UBE2U: variants seen among roughly 807,000 people sequenced by gnomAD.
UBE2U encodes the protein ubiquitin-conjugating enzyme E2 U.
UBE2U carries 39 observed loss-of-function variants against 41.2 expected under a neutral mutation model. The observed-to-expected ratio is 0.95, with a 90% CI of 0.73 to 1.24. The LOEUF (loss-of-function observed/expected upper bound fraction) is 1.24, where lower values mean the gene tolerates loss of function less well. Among genes scored for constraint, UBE2U ranks in the 50% most tolerant of loss-of-function variants. UBE2U has a pLI of 0.00. For missense variants in UBE2U, 336 were observed against 363.1 expected, an observed-to-expected ratio of 0.93 and a Z score of 0.61; for synonymous variants, 107 against 117.8, an observed-to-expected ratio of 0.91 and a Z score of 0.60.
rs1491212101 is a variant in UBE2U at position 64,239,091 on chromosome 1, AGG to A, written c.596-2560_596-2559del. 3.6e-4 allele frequency among the ~76,000 whole-genome samples: 16 copies of A among 43,996 alleles called. 1 individual carries two copies. Among genetic ancestry groups the A allele is most frequent in the African/African-American group, 1.5e-3 (16 of 10,386 alleles). The allele number at this position is 43,996 out of a possible 152,430, so 28.9% of individuals were successfully genotyped here. On this transcript the variant is annotated intron_variant, in intron 7 of 9. Coordinates refer to ENST00000371077, the MANE Select transcript of UBE2U (RefSeq NM_001366232.2). ...GAGGAAGAGGAAGAGGAAGAGGAAG[AGG>A]AAGAAGAAGAAGAAGAAGAAGAAGA... is the stretch of plus-strand genomic sequence containing the variant.
intron 8 of UBE2U, among the ~76,000 whole-genome samples, chr1:64,249,183 C>G (rs1475544710): frequency 2.6e-5 from 4 of 151,780 alleles, no homozygotes; most frequent in Non-Finnish European, 4.4e-5. Flanking sequence ...TTGAAACCAG[C>G]CTGGCCAACA....
intron 8 of UBE2U, chr1:64,244,230 A>T: frequency 6.4e-7 from 1 of 1,550,834 alleles, no homozygotes; most frequent in Non-Finnish European, 8.7e-7. Flanking sequence ...TTGTTTTTTT[A>T]TCTGTTAAAT....
intron 8 of UBE2U, 75 bp from the exon 9 acceptor site, chr1:64,260,528 A>C (rs1645164448): frequency 9.2e-7 from 1 of 1,092,584 alleles, no homozygotes; most frequent in Admixed American, 2.4e-5. Context: ...CATTTGTTTC[A>C]CTTATTTTTC....
At chr1:64,218,662 G>T (rs1277096827) in intron 5 of UBE2U, among the ~76,000 whole-genome samples, 5 of 152,158 alleles carry the variant, frequency 3.3e-5, no homozygotes, top group Middle Eastern at 3.4e-3. Flanking sequence ...AAAATACAAA[G>T]ATTTTGCTTT....
intron 7 of UBE2U, among the ~76,000 whole-genome samples, chr1:64,239,525 C>A (rs1366641295): frequency 8.4e-6 from 1 of 118,598 alleles, no homozygotes; most frequent in Non-Finnish European, 1.7e-5. Flanking sequence ...CCCCTCCCCC[C>A]ACCCCACGAC....
chr1:64,249,790 A>G (rs909797537), intron 8 of UBE2U, among the ~76,000 whole-genome samples: 3 of 152,100 alleles, frequency 2.0e-5, no homozygotes. Context: ...GACAATATCA[A>G]GTGGTAGAAG....
At chr1:64,248,073 A>T (rs2100492636) in intron 8 of UBE2U, among the ~76,000 whole-genome samples, 1 of 152,264 alleles carries the variant, frequency 6.6e-6, no homozygotes, top group South Asian at 2.1e-4. Context: ...TATTTGTAGC[A>T]ACACTAAACG....
chr1:64,257,915 G>GA (rs1057191466), intron 8 of UBE2U, among the ~76,000 whole-genome samples: 191 of 147,184 alleles, frequency 1.3e-3, no homozygotes, highest in Middle Eastern at 3.5e-3. Context: ...TTCACACATT[G>GA]AAAAAAAAAA....
intron 2 of UBE2U, among the ~76,000 whole-genome samples, chr1:64,206,047 A>G (rs768982886): frequency 1.3e-5 from 2 of 152,168 alleles, no homozygotes; most frequent in Non-Finnish European, 2.9e-5. Flanking sequence ...GAGATCAGGG[A>G]ATAACTATCA....
At chr1:64,254,245 C>T (rs749134213) in intron 8 of UBE2U, among the ~76,000 whole-genome samples, 1 of 152,118 alleles carries the variant, frequency 6.6e-6, no homozygotes, top group Non-Finnish European at 1.5e-5. Context: ...TACAGGAGCA[C>T]CAAGATTCAT....
intron 4 of UBE2U, among the ~76,000 whole-genome samples, chr1:64,212,491 T>G (rs571462745): frequency 2.0e-5 from 3 of 152,274 alleles, no homozygotes; most frequent in South Asian, 2.1e-4. Context: ...TCTTCATCAG[T>G]AAAATGGGGC....
At chr1:64,250,224 C>T (rs1447362994) in intron 8 of UBE2U, among the ~76,000 whole-genome samples, 1 of 152,116 alleles carries the variant, frequency 6.6e-6, no homozygotes, top group Non-Finnish European at 1.5e-5. Flanking sequence ...ACCAATAAAT[C>T]CAACCACATA....
intron 4 of UBE2U, among the ~76,000 whole-genome samples, chr1:64,213,841 C>G (rs937073721): frequency 2.0e-5 from 3 of 152,116 alleles, no homozygotes; most frequent in South Asian, 2.1e-4. Flanking sequence ...TTAATACATA[C>G]GAAGGCTATG....
chr1:64,220,241 G>GGAGA (rs3074174), intron 5 of UBE2U, among the ~76,000 whole-genome samples: 24,913 of 149,100 alleles, frequency 0.17, 2,091 homozygotes, highest in South Asian at 0.26. Flanking sequence ...CCAGGCTTGT[G>GGAGA]GAGAGAGAGA....
chr1:64,240,493 T>C (rs898139834), intron 7 of UBE2U, among the ~76,000 whole-genome samples: 3 of 152,140 alleles, frequency 2.0e-5, no homozygotes, highest in African/African-American at 7.2e-5. Context: ...TATCTGCCAA[T>C]GGAATGGGCA....
intron 5 of UBE2U, 96 bp downstream of exon 5, chr1:64,215,028 T>C: frequency 3.4e-6 from 3 of 878,564 alleles, no homozygotes; most frequent in East Asian, 2.6e-5. Context: ...AGGTCCGGAG[T>C]TCGAGACCAG....
At chr1:64,251,575 G>C (rs181090206) in intron 8 of UBE2U, among the ~76,000 whole-genome samples, 1 of 152,208 alleles carries the variant, frequency 6.6e-6, no homozygotes, top group East Asian at 1.9e-4. Flanking sequence ...GCAAAGAAAA[G>C]CAGGGTGAGG....
chr1:64,225,773 G>A (rs1159476147), intron 6 of UBE2U, among the ~76,000 whole-genome samples: 16 of 152,218 alleles, frequency 1.1e-4, no homozygotes, highest in Admixed American at 9.8e-4. Flanking sequence ...ATTTGGGGTT[G>A]AACTGGGTGG....
intron 8 of UBE2U, among the ~76,000 whole-genome samples, chr1:64,243,428 G>T (rs1644868640): frequency 6.6e-6 from 1 of 152,110 alleles, no homozygotes; most frequent in South Asian, 2.1e-4. Context: ...CAAAATACAT[G>T]GGGTATGATA....
Sources: gnomAD v4.1 joint callset for allele counts (sites outside exome capture counted in the v4.1 genomes callset) on GRCh38, gnomAD v4.1.1 for gene constraint, MANE v1.5 for transcripts, NCBI Gene and HGNC (gene_info 2026-07-23, HGNC 2026-07-21) for gene names.